Variants in FAT3 observed in about 807,000 individuals in gnomAD.
The protein encoded by FAT3 is protocadherin Fat 3.
Under a neutral mutation model 310.2 loss-of-function variants are expected in FAT3, and 95 were observed. The observed-to-expected ratio is 0.31, with a 90% CI of 0.26 to 0.36. FAT3 has a LOEUF of 0.36. Among genes scored for constraint, FAT3 ranks in the 10% least tolerant of loss-of-function variants. The probability of loss-of-function intolerance (pLI) is 1.00; values close to 1 mark genes in which losing one functional copy is unlikely to be tolerated. For synonymous variants in FAT3, 2,314 were observed against 2,192.9 expected, an observed-to-expected ratio of 1.06 and a Z score of -1.54; for missense variants, 5,408 against 5,715.6, an observed-to-expected ratio of 0.95 and a Z score of 1.74.
At chr11:92,797,761 A>T (rs887913240) in intron 9 of FAT3, 75 bp from the exon 10 acceptor site, 35 of 1,300,732 alleles carry the variant, frequency 2.7e-5, no homozygotes, top group Non-Finnish European at 3.8e-5. Flanking sequence ...TAAGGTACCT[A>T]TAGATAAAGA....
intron 2 of FAT3, among the ~76,000 whole-genome samples, chr11:92,472,333 C>T (rs1951931245): frequency 1.3e-5 from 2 of 152,128 alleles, no homozygotes; most frequent in Admixed American, 6.6e-5. Context: ...TCTGATGGCT[C>T]TTTGGTAACC....
chr11:92,351,498 T>C (rs1948564899), intron 1 of FAT3, among the ~76,000 whole-genome samples: 1 of 152,176 alleles, frequency 6.6e-6, no homozygotes, highest in African/African-American at 2.4e-5. Flanking sequence ...ATAATAGAAC[T>C]CATGCTATAT....
chr11:92,425,160 A>G (rs1321671230), intron 2 of FAT3, among the ~76,000 whole-genome samples: 1 of 151,740 alleles, frequency 6.6e-6, no homozygotes, highest in Non-Finnish European at 1.5e-5. Context: ...ATAATGCTGT[A>G]GTGAACAGCT....
At chr11:92,448,217 GGATTCA>G (rs1230482958) in intron 2 of FAT3, among the ~76,000 whole-genome samples, 1 of 152,090 alleles carries the variant, frequency 6.6e-6, no homozygotes, top group Non-Finnish European at 1.5e-5. Context: ...AAAAATATAA[GGATTCA>G]TTAACTGTTA....
rs1229153893 is a variant in FAT3 at position 92,894,626 on chromosome 11, T to G, written c.*3513T>G. ...GCAAGAACTTGGGAGTAATAAAAGG[T>G]GAATAAAATGCATGCTTCATTTATT... On this transcript the variant is annotated 3_prime_UTR_variant, in exon 28 of 28. Transcript: ENST00000525166. The G allele has an allele frequency of 6.6e-6, 1 of 152,190 alleles. No homozygotes were observed. The highest frequency in any genetic ancestry group is 2.4e-5 in the African/African-American group (1 of 41,452). The allele number at this position is 152,190 out of a possible 1,614,324, so 9.4% of individuals were successfully genotyped here.
chr11:92,586,243 A>G lies in FAT3; in HGVS notation c.3607+61295A>G, dbSNP rs952869834. ...GGTGTGTGCATATCTGTGTGTATTT[A>G]TATAAAAGACATTTTATAGCTCTGC... On this transcript the variant is annotated intron_variant, in intron 3 of 27. Coordinates refer to ENST00000525166, the MANE Select transcript of FAT3 (RefSeq NM_001367949.2). Among the ~76,000 whole-genome samples the G allele has an allele frequency of 4.6e-5, 7 of 152,038 alleles. No individual in the cohort carries two copies. In the East Asian group the frequency reaches 1.4e-3, roughly 29 times the overall value.
chr11:92,715,259 A>G (rs1203821876), intron 4 of FAT3, among the ~76,000 whole-genome samples: 1 of 149,532 alleles, frequency 6.7e-6, no homozygotes, highest in Non-Finnish European at 1.5e-5. Flanking sequence ...AAAAAAAAAA[A>G]TAGCTGGGTG....
intron 2 of FAT3, among the ~76,000 whole-genome samples, chr11:92,389,152 A>C (rs1057235853): frequency 6.6e-6 from 1 of 152,190 alleles, no homozygotes; most frequent in African/African-American, 2.4e-5. Flanking sequence ...TTTTAAAGGT[A>C]AGAAAACTAA....
At chr11:92,875,258 G>A (rs1949503920) in intron 22 of FAT3, among the ~76,000 whole-genome samples, 2 of 121,258 alleles carry the variant, frequency 1.6e-5, no homozygotes, top group African/African-American at 6.1e-5. Context: ...AGTTCTAAAA[G>A]CAAGACTTCT....
chr11:92,674,341 A>C (rs1409745308), intron 3 of FAT3, among the ~76,000 whole-genome samples: 1 of 151,624 alleles, frequency 6.6e-6, no homozygotes, highest in Non-Finnish European at 1.5e-5. Context: ...GGACAAGGAG[A>C]AAGAAAGAGA....
chr11:92,878,463 C>T (rs1949585755), intron 22 of FAT3, among the ~76,000 whole-genome samples: 1 of 151,692 alleles, frequency 6.6e-6, no homozygotes, highest in Non-Finnish European at 1.5e-5. Context: ...TACCAATAGG[C>T]TACCCAAGTT....
intron 1 of FAT3, among the ~76,000 whole-genome samples, chr11:92,279,787 CCTT>C (rs1350143915): frequency 6.6e-6 from 1 of 152,106 alleles, no homozygotes; most frequent in Non-Finnish European, 1.5e-5. Context: ...AGAACTTACA[CCTT>C]CTGACTGTAT....
rs1193337050 is a variant in FAT3 at position 92,836,088 on chromosome 11, T to C, written c.10087-478T>C. Reference sequence around the variant, plus strand: ...AAGTACATGACTGTTTCCATACATATAAATTTCAACATCATCAACCTGGAG... The same window carrying C: ...AAGTACATGACTGTTTCCATACATACAAATTTCAACATCATCAACCTGGAG... On this transcript the variant is annotated intron_variant, in intron 15 of 27. Coordinates refer to ENST00000525166, the MANE Select transcript of FAT3 (RefSeq NM_001367949.2). 5.3e-5 allele frequency among the ~76,000 whole-genome samples: 8 copies of C among 152,208 alleles called. No individual in the cohort carries two copies. In the East Asian group the frequency reaches 1.4e-3, roughly 26 times the overall value.
intron 3 of FAT3, among the ~76,000 whole-genome samples, chr11:92,602,648 C>T (rs1251686116): frequency 6.6e-6 from 1 of 152,180 alleles, no homozygotes; most frequent in Non-Finnish European, 1.5e-5. Flanking sequence ...TGCAGCAGGT[C>T]ACAGAGGCAC....
At chr11:92,653,711 T>C (rs550537973) in intron 3 of FAT3, among the ~76,000 whole-genome samples, 1 of 152,356 alleles carries the variant, frequency 6.6e-6, no homozygotes, top group East Asian at 1.9e-4. Context: ...AGTTCCTTGT[T>C]ATTCTTCCTA....
intron 8 of FAT3, among the ~76,000 whole-genome samples, chr11:92,790,434 A>G (rs1028217525): frequency 1.3e-5 from 2 of 152,240 alleles, no homozygotes; most frequent in Non-Finnish European, 2.9e-5. Context: ...AAAATATTAG[A>G]TAAGTTCTGC....
At chr11:92,424,579 TA>T (rs1217949783) in intron 2 of FAT3, among the ~76,000 whole-genome samples, 1 of 152,178 alleles carries the variant, frequency 6.6e-6, no homozygotes, top group Non-Finnish European at 1.5e-5. Context: ...TGCAGTCTAG[TA>T]GTAGACTGCA....
chr11:92,458,221 TG>T (rs1332182679), intron 2 of FAT3, among the ~76,000 whole-genome samples: 1 of 152,238 alleles, frequency 6.6e-6, no homozygotes, highest in East Asian at 1.9e-4. Context: ...ACTGTATTTT[TG>T]CCCTGGAGAC....
At chr11:92,412,149 C>T (rs1334253916) in intron 2 of FAT3, among the ~76,000 whole-genome samples, 1 of 152,046 alleles carries the variant, frequency 6.6e-6, no homozygotes, top group Non-Finnish European at 1.5e-5. Context: ...TGTCGCCAGG[C>T]TGGAGCGTAG....
Sources: allele counts gnomAD v4.1 joint callset (sites outside exome capture counted in the v4.1 genomes callset), GRCh38; gene constraint gnomAD v4.1.1; transcripts MANE v1.5; gene names NCBI Gene and HGNC (gene_info 2026-07-23, HGNC 2026-07-21).